Variants in SLCO4C1 observed in about 807,000 individuals in gnomAD.
SLCO4C1 encodes the protein solute carrier organic anion transporter family member 4C1.
A neutral mutation model predicts 72.1 loss-of-function variants in SLCO4C1; 58 were observed. The observed-to-expected ratio is 0.80, with a 90% CI of 0.65 to 1.00. SLCO4C1 has a LOEUF of 1.00. SLCO4C1 is among the 50% of genes least tolerant of loss of function. SLCO4C1 has a pLI of 0.00. For synonymous variants in SLCO4C1, 297 were observed against 312.5 expected (o/e 0.95, Z 0.52); for missense variants, 898 against 857.9 (o/e 1.05, Z -0.58).
chr5:102,292,028 T>C (rs1303464119), intron 1 of SLCO4C1, among the ~76,000 whole-genome samples: 1 of 152,130 alleles, frequency 6.6e-6, no homozygotes, highest in Admixed American at 6.5e-5. Context: ...TTTCACCATG[T>C]TGGCCAGGCT....
intron 11 of SLCO4C1, among the ~76,000 whole-genome samples, chr5:102,240,435 AATT>A (rs2112333458): frequency 6.6e-6 from 1 of 152,268 alleles, no homozygotes; most frequent in Admixed American, 6.5e-5. Context: ...AGAGAAAAGA[AATT>A]ATGTGTTGAT....
intron 10 of SLCO4C1, among the ~76,000 whole-genome samples, chr5:102,243,065 A>T (rs1116046): frequency 0.048 from 7,341 of 152,248 alleles, 236 homozygotes; most frequent in Non-Finnish European, 0.071. Flanking sequence ...GTAGTCTGGC[A>T]GTACTCCTCG....
intron 2 of SLCO4C1, among the ~76,000 whole-genome samples, chr5:102,273,112 CTG>C (rs79992354): frequency 6.6e-6 from 1 of 151,686 alleles, no homozygotes; most frequent in Non-Finnish European, 1.5e-5. Flanking sequence ...AGAATAGAGA[CTG>C]TGAGAATTAT....
chr5:102,245,805 C>G (rs1263366085), intron 10 of SLCO4C1, among the ~76,000 whole-genome samples: 7 of 152,072 alleles, frequency 4.6e-5, no homozygotes, highest in African/African-American at 7.2e-5. Context: ...CAAAACAAGT[C>G]TTAAAACATT....
In SLCO4C1 at chr5:102,291,449, C is replaced by T. The variant is rs1749549177; in HGVS notation, c.513G>A (p.Lys171=). 8.1e-6 allele frequency: 13 copies of T among 1,614,150 alleles called. No homozygotes were observed. Among genetic ancestry groups the T allele is most frequent in the Non-Finnish European group, 1.1e-5 (13 of 1,180,020 alleles). Residue 171 remains lysine, a synonymous_variant, in exon 2 of 13, where the codon AAG becomes AAA. Coordinates refer to ENST00000310954, the MANE Select transcript of SLCO4C1 (RefSeq NM_180991.5). ...AGGCTGCAAATGCAAGCCATCTCGGCTTATGTCCTCTTTCACCAAAGAATG... is the reference window on the plus strand; with the variant it reads ...AGGCTGCAAATGCAAGCCATCTCGGTTTATGTCCTCTTTCACCAAAGAATG... ...FVSFFGERGH[K]PRWLAFAAFM...
chr5:102,263,353 A>G (rs61460142), intron 4 of SLCO4C1, among the ~76,000 whole-genome samples: 3,841 of 152,198 alleles, frequency 0.025, 162 homozygotes, highest in African/African-American at 0.088. Flanking sequence ...TCCCAACTAA[A>G]TCTATGGAAA....
At chr5:102,240,862 G>T in intron 10 of SLCO4C1, 80 bp from the exon 11 acceptor site, 1 of 959,728 alleles carries the variant, frequency 1.0e-6, no homozygotes, top group Non-Finnish European at 1.6e-6. Context: ...ATTTATAAGA[G>T]TTTAGCATTC....
intron 2 of SLCO4C1, 96 bp from the exon 3 acceptor site, chr5:102,270,902 A>G: frequency 1.1e-6 from 1 of 912,310 alleles, no homozygotes; most frequent in Non-Finnish European, 1.6e-6. Context: ...ATATAACCTT[A>G]TTTATTTCTT....
rs150623993 is a variant in SLCO4C1, at chr5:102,249,748, T to C, written c.1510A>G (p.Asn504Asp). ...LGNLIAPCNANCNCSRSYYYP... is the reference protein window; with the variant it reads ...LGNLIAPCNADCNCSRSYYYP... ...TAATATGATCGCGAACAGTTACAATTGGCATTACAAGGGGCTATCAAGTTT... is the reference window on the plus strand; with the variant it reads ...TAATATGATCGCGAACAGTTACAATCGGCATTACAAGGGGCTATCAAGTTT... Residue 504 changes from asparagine to aspartate, a missense_variant, in exon 9 of 13, where the codon AAT becomes GAT. Transcript: ENST00000310954. 1.1e-5 allele frequency: 18 copies of C among 1,613,830 alleles called. No homozygotes were observed. The African/African-American group carries it at 2.0e-4, about 18-fold the overall frequency.
At chr5:102,265,401 T>C (rs1580254158) in intron 3 of SLCO4C1, among the ~76,000 whole-genome samples, 2 of 152,166 alleles carry the variant, frequency 1.3e-5, no homozygotes, top group African/African-American at 2.4e-5. Context: ...CCTGGAACAA[T>C]GTACTAAAGT....
At chr5:102,281,046 C>T (rs1244608932) in intron 2 of SLCO4C1, among the ~76,000 whole-genome samples, 1 of 152,030 alleles carries the variant, frequency 6.6e-6, no homozygotes, top group Non-Finnish European at 1.5e-5. Context: ...AGAGCAATGT[C>T]TATAGGATTT....
chr5:102,292,030 G>T (rs935040030), intron 1 of SLCO4C1, among the ~76,000 whole-genome samples: 1 of 151,914 alleles, frequency 6.6e-6, no homozygotes, highest in African/African-American at 2.4e-5. Flanking sequence ...TCACCATGTT[G>T]GCCAGGCTGG....
rs1429336744 is a variant in SLCO4C1, at chr5:102,236,601, TGTTC to T, written c.*253_*256del. 93 of 347,464 alleles carry T rather than the reference TGTTC, an allele frequency of 2.7e-4. No homozygotes were observed. The highest frequency in any genetic ancestry group is 9.1e-4 in the South Asian group (30 of 32,994). The allele number at this position is 347,464 out of a possible 1,614,324, so 21.5% of individuals were successfully genotyped here. ...GTGTGCGTGTGTGTGTGTGTGTGTG[TGTTC>T]GTGTGTGTGTGTGTGTGTGTGCTCG... On this transcript the variant is annotated 3_prime_UTR_variant, in exon 13 of 13. Transcript: ENST00000310954.
chr5:102,270,614 G>A lies in SLCO4C1; in HGVS notation c.802+10C>T. The A allele has an allele frequency of 3.8e-6, 6 of 1,592,928 alleles. No individual in the cohort carries two copies. Among genetic ancestry groups the A allele is most frequent in the Non-Finnish European group, 5.1e-6 (6 of 1,170,442 alleles). On this transcript the variant is annotated intron_variant, in intron 3 of 12. Transcript: ENST00000310954. The stretch of plus-strand genomic sequence containing the variant: ...AAGTGATACTGAGACAGTTTAGAGA[G>A]TAAACTTACCTATATAGAGAGAAGA...
Position 102,240,743 on chromosome 5 carries a change from T to C in SLCO4C1, c.1851A>G (p.Ile617Met), listed in dbSNP as rs1401816125. 4.3e-6 allele frequency: 7 copies of C among 1,611,962 alleles called. No individual in the cohort carries two copies. The highest frequency in any genetic ancestry group is 5.9e-6 in the Non-Finnish European group (7 of 1,178,746). Residue 617 changes from isoleucine (I) to methionine (M), a missense_variant, in exon 11 of 13, where the codon ATA becomes ATG. Physicochemically the swap from Ile to Met is conservative, Grantham distance 10. Transcript: ENST00000310954. ...CTAATAATCGAAGGACCATAAATTG[T>C]ATTCCCAAGGCTAGGGACCGTTGTC... is the stretch of plus-strand genomic sequence containing the variant. Reference protein sequence around the residue: ...NHRQRSLALGIQFMVLRLLGT... With the variant: ...NHRQRSLALGMQFMVLRLLGT...
chr5:102,282,542 T>C (rs1749376700), intron 2 of SLCO4C1, among the ~76,000 whole-genome samples: 1 of 151,970 alleles, frequency 6.6e-6, no homozygotes, highest in Non-Finnish European at 1.5e-5. Flanking sequence ...AAATAAGTCA[T>C]TTATAAAATG....
Position 102,265,072 on chromosome 5 carries a change from G to A in SLCO4C1, c.803-1292C>T, listed in dbSNP as rs572744886. On this transcript the variant is annotated intron_variant, in intron 3 of 12. Coordinates refer to ENST00000310954, the MANE Select transcript of SLCO4C1 (RefSeq NM_180991.5). ...CCATCTCTTAGCTATTGTGGGAAGCGCTACAATAACATGGGGACACATGGT... is the reference window on the plus strand; with the variant it reads ...CCATCTCTTAGCTATTGTGGGAAGCACTACAATAACATGGGGACACATGGT... 5.3e-5 allele frequency among the ~76,000 whole-genome samples: 8 copies of A among 152,020 alleles called. No homozygotes were observed. The South Asian group carries it at 1.2e-3, about 24-fold the overall frequency.
chr5:102,246,854 A>G (rs532561188), intron 10 of SLCO4C1, among the ~76,000 whole-genome samples: 1 of 152,256 alleles, frequency 6.6e-6, no homozygotes, highest in Admixed American at 6.5e-5. Context: ...CTTATTGATT[A>G]GCACTGCTTA....
chr5:102,251,336 A>T (rs1265049391), intron 8 of SLCO4C1, among the ~76,000 whole-genome samples: 2 of 152,234 alleles, frequency 1.3e-5, no homozygotes, highest in Non-Finnish European at 2.9e-5. Flanking sequence ...CCTAGACAGT[A>T]GGTGATGACA....
Sources: gnomAD v4.1 joint callset for allele counts (sites outside exome capture counted in the v4.1 genomes callset) on GRCh38, gnomAD v4.1.1 for gene constraint, MANE v1.5 for transcripts, NCBI Gene and HGNC (gene_info 2026-07-23, HGNC 2026-07-21) for gene names.